RDX: variants seen among roughly 807,000 people sequenced by gnomAD.
RDX encodes the protein deafness, autosomal recessive 24.
RDX carries 32 observed loss-of-function variants against 83.7 expected under a neutral mutation model. The observed-to-expected ratio is 0.38, with a 90% CI of 0.29 to 0.51. The LOEUF (loss-of-function observed/expected upper bound fraction) is 0.51. Ranked by LOEUF, RDX falls within the 20% of genes least tolerant of loss-of-function variation. RDX has a pLI of 0.87. For missense variants in RDX, 600 were observed against 689.9 expected, an observed-to-expected ratio of 0.87 and a Z score of 1.46; for synonymous variants, 229 against 222.7, an observed-to-expected ratio of 1.03 and a Z score of -0.25.
At chr11:110,201,480 G>T (rs1365617241) in intron 14 of RDX, among the ~76,000 whole-genome samples, 1 of 152,146 alleles carries the variant, frequency 6.6e-6, no homozygotes, top group African/African-American at 2.4e-5. Flanking sequence ...GGAAAGAAAG[G>T]TGAAGAGACG....
intron 1 of RDX, among the ~76,000 whole-genome samples, chr11:110,289,970 A>AAAAAC (rs1861159901): frequency 6.8e-6 from 1 of 147,866 alleles, no homozygotes; most frequent in Non-Finnish European, 1.5e-5. Context: ...AAAAAAAAAA[A>AAAAAC]AAAAAAAAAA....
intron 3 of RDX, among the ~76,000 whole-genome samples, chr11:110,265,688 C>T (rs1021674585): frequency 1.3e-5 from 2 of 152,044 alleles, no homozygotes; most frequent in South Asian, 2.1e-4. Context: ...TTCCACCCTT[C>T]TACAATTTTG....
At chr11:110,257,544 A>C (rs1266923281) in intron 7 of RDX, among the ~76,000 whole-genome samples, 1 of 152,198 alleles carries the variant, frequency 6.6e-6, no homozygotes, top group Non-Finnish European at 1.5e-5. Context: ...AAAGTCAATC[A>C]TCTCATTTGA....
intron 15 of RDX, among the ~76,000 whole-genome samples, chr11:110,198,820 CT>C (rs34948055): frequency 0.065 from 9,541 of 146,868 alleles, 963 homozygotes; most frequent in African/African-American, 0.22. Context: ...CTGAATACGT[CT>C]TTTTTTTTTT....
chr11:110,274,208 T>A (rs1193890904), intron 2 of RDX, among the ~76,000 whole-genome samples: 2 of 152,154 alleles, frequency 1.3e-5, no homozygotes, highest in African/African-American at 4.8e-5. Context: ...TGAAGAATAA[T>A]AAAACGAAAC....
At chr11:110,265,170 C>T (rs1016066822) in intron 3 of RDX, among the ~76,000 whole-genome samples, 7 of 149,396 alleles carry the variant, frequency 4.7e-5, no homozygotes, top group South Asian at 2.1e-4. Flanking sequence ...CTTGGCTCAC[C>T]GCAACTTCCG....
chr11:110,183,792 G>A (rs940725261), intron 15 of RDX, among the ~76,000 whole-genome samples: 7 of 152,228 alleles, frequency 4.6e-5, no homozygotes, highest in Non-Finnish European at 1.0e-4. Context: ...CACCAAGCCT[G>A]GCTTTAGGCC....
intron 15 of RDX, among the ~76,000 whole-genome samples, chr11:110,182,316 A>G (rs540161542): frequency 8.5e-5 from 13 of 152,270 alleles, no homozygotes; most frequent in African/African-American, 2.9e-4. Flanking sequence ...TGTTGAATGA[A>G]TGTGGCCGGG....
chr11:110,275,385 T>C (rs1860471758), intron 2 of RDX, among the ~76,000 whole-genome samples: 3 of 152,164 alleles, frequency 2.0e-5, no homozygotes, highest in South Asian at 2.1e-4. Flanking sequence ...TTATAAGACT[T>C]TGAAGCAGGG....
intron 11 of RDX, among the ~76,000 whole-genome samples, chr11:110,236,848 G>C (rs1205347640): frequency 6.6e-6 from 1 of 151,760 alleles, no homozygotes; most frequent in Non-Finnish European, 1.5e-5. Context: ...TTGAACTCCT[G>C]ACCTCAGGTG....
intron 9 of RDX, among the ~76,000 whole-genome samples, chr11:110,253,267 C>T (rs140070769): frequency 1.1e-3 from 171 of 152,052 alleles, no homozygotes; most frequent in Middle Eastern, 3.4e-3. Flanking sequence ...TAGACTATCA[C>T]GTTGTTCCAT....
intron 10 of RDX, 96 bp from the exon 11 acceptor site, chr11:110,237,748 A>T (rs1409083945): frequency 1.5e-6 from 2 of 1,370,654 alleles, no homozygotes; most frequent in African/African-American, 1.4e-5. Context: ...AAATCTGTTC[A>T]ATTTCTAAAA....
intron 5 of RDX, among the ~76,000 whole-genome samples, chr11:110,259,532 A>T (rs1859714438): frequency 6.6e-6 from 1 of 152,218 alleles, no homozygotes; most frequent in Admixed American, 6.5e-5. Context: ...CTTAGAGTAA[A>T]TTCCTTAAAG....
chr11:110,215,827 C>T (rs1255488332), intron 14 of RDX, among the ~76,000 whole-genome samples: 4 of 152,170 alleles, frequency 2.6e-5, no homozygotes, highest in South Asian at 2.1e-4. Flanking sequence ...GGTTGTCCTT[C>T]GGCAGGTTAC....
At position 110,176,506 on chromosome 11, in the gene RDX, G is replaced by T. The variant is rs79082554; in HGVS notation, c.*32-1272C>A. ...TCTGCCTCCTGCTCCCCCCAGCCAC[G>T]GGGTGCCTGGGGACATTGCCATCAC... is the stretch of plus-strand genomic sequence containing the variant. On this transcript the variant is annotated intron_variant, in intron 15 of 15. Coordinates refer to the RDX transcript ENST00000528498. 6.8e-3 allele frequency among the ~76,000 whole-genome samples: 1,035 copies of T among 152,202 alleles called. 7 individuals are homozygous for T. The highest frequency in any genetic ancestry group is 0.011 in the Non-Finnish European group (752 of 68,006).
chr11:110,232,879 T>G (rs556477053), intron 13 of RDX, among the ~76,000 whole-genome samples: 2 of 152,138 alleles, frequency 1.3e-5, no homozygotes, highest in Non-Finnish European at 2.9e-5. Context: ...CCTCCCAGAG[T>G]GCTGGGATTA....
intron 15 of RDX, chr11:110,195,926 C>A (rs556053001): frequency 6.6e-6 from 1 of 152,234 alleles, no homozygotes; most frequent in East Asian, 1.9e-4. Flanking sequence ...CCTGGCCCAT[C>A]TTGCTAAGGT....
At chr11:110,269,126 G>A (rs1041729304) in intron 3 of RDX, among the ~76,000 whole-genome samples, 2 of 151,910 alleles carry the variant, frequency 1.3e-5, no homozygotes, top group African/African-American at 4.8e-5. Context: ...GCTAATGTTT[G>A]CATTTTTAGT....
intron 5 of RDX, among the ~76,000 whole-genome samples, chr11:110,258,596 T>C (rs999473078): frequency 3.9e-5 from 6 of 152,092 alleles, no homozygotes; most frequent in African/African-American, 7.2e-5. Flanking sequence ...CAAAGATAGC[T>C]TATAGGAACC....
Sources: gnomAD v4.1 joint callset for allele counts (sites outside exome capture counted in the v4.1 genomes callset) on GRCh38, gnomAD v4.1.1 for gene constraint, MANE v1.5 for transcripts, NCBI Gene and HGNC (gene_info 2026-07-23, HGNC 2026-07-21) for gene names.